The following GDA variants were observed in gnomAD, a reference collection of about 807,000 sequenced individuals.
GDA encodes the protein guanine deaminase.
In GDA, 18 loss-of-function variants were observed where a neutral mutation model predicts 59.6. That is an observed-to-expected ratio of 0.30 (90% CI 0.21 to 0.45). GDA has a LOEUF of 0.45. Among genes scored for constraint, GDA ranks in the 20% least tolerant of loss-of-function variants. GDA has a pLI of 1.00. For synonymous variants in GDA, 201 were observed against 201.1 expected (o/e 1.00, Z 0.00); for missense variants, 427 against 552.3 (o/e 0.77, Z 2.27).
chr9:72,195,892 C>T (rs1005026845), intron 2 of GDA, among the ~76,000 whole-genome samples: 5 of 152,066 alleles, frequency 3.3e-5, no homozygotes, highest in Admixed American at 6.6e-5. Context: ...CTTGTCCTCA[C>T]AGGGTTTACA....
At chr9:72,200,197 C>A (rs1248461831) in intron 2 of GDA, among the ~76,000 whole-genome samples, 1 of 151,862 alleles carries the variant, frequency 6.6e-6, no homozygotes, top group African/African-American at 2.4e-5. Flanking sequence ...GGGGTTTCAC[C>A]GTGTTAGCCA....
chr9:72,187,158 A>T (rs1831958116), intron 1 of GDA, among the ~76,000 whole-genome samples: 1 of 152,176 alleles, frequency 6.6e-6, no homozygotes, highest in African/African-American at 2.4e-5. Context: ...TTCTTTCCTA[A>T]AGAGATAAGC....
chr9:72,119,395 G>C (rs1825582051), intron 1 of GDA, among the ~76,000 whole-genome samples: 1 of 152,128 alleles, frequency 6.6e-6, no homozygotes, highest in African/African-American at 2.4e-5. Context: ...GTCCTAGCTA[G>C]TCAGGAGTCT....
chr9:72,161,290 T>C (rs536993371), intron 1 of GDA, among the ~76,000 whole-genome samples: 46 of 152,312 alleles, frequency 3.0e-4, no homozygotes, highest in African/African-American at 1.1e-3. Flanking sequence ...TGAAGGCAGG[T>C]TCACAACTTT....
At chr9:72,190,635 A>C (rs999452651) in intron 1 of GDA, among the ~76,000 whole-genome samples, 4 of 152,180 alleles carry the variant, frequency 2.6e-5, no homozygotes, top group Non-Finnish European at 4.4e-5. Flanking sequence ...CCCCTGCATT[A>C]TTCAAGGGGC....
intron 2 of GDA, among the ~76,000 whole-genome samples, chr9:72,200,090 C>G (rs1007308210): frequency 6.6e-6 from 1 of 151,380 alleles, no homozygotes; most frequent in African/African-American, 2.4e-5. Flanking sequence ...CTCCGCCTCC[C>G]GTGTTCACGC....
At chr9:72,124,334 C>A (rs11143121) in intron 1 of GDA, among the ~76,000 whole-genome samples, 1 of 152,136 alleles carries the variant, frequency 6.6e-6, no homozygotes, top group South Asian at 2.1e-4. Context: ...AAATTGCAAA[C>A]GCCTCAGTAT....
At chr9:72,239,551 A>G (rs1839382708) in intron 10 of GDA, among the ~76,000 whole-genome samples, 2 of 152,244 alleles carry the variant, frequency 1.3e-5, no homozygotes, top group African/African-American at 4.8e-5. Flanking sequence ...ATTATAAAAT[A>G]TAGTTAGTCT....
chr9:72,214,108 T>C, intron 5 of GDA, 117 bp downstream of exon 5: 3 of 626,436 alleles, frequency 4.8e-6, no homozygotes, highest in African/African-American at 1.9e-5. Flanking sequence ...GATGTGCACA[T>C]AGTGACTCAG....
intron 3 of GDA, among the ~76,000 whole-genome samples, chr9:72,204,048 C>T (rs905442891): frequency 6.6e-6 from 1 of 152,110 alleles, no homozygotes; most frequent in African/African-American, 2.4e-5. Flanking sequence ...AACTCCTGAC[C>T]TCATGATCCA....
intron 10 of GDA, among the ~76,000 whole-genome samples, chr9:72,236,622 C>G (rs11143188): frequency 0.26 from 39,065 of 152,052 alleles, 5,620 homozygotes; most frequent in East Asian, 0.53. Context: ...GACGTGTGTT[C>G]TGTATTCTTT....
At chr9:72,118,777 C>T (rs1219994207) in intron 1 of GDA, among the ~76,000 whole-genome samples, 1 of 152,148 alleles carries the variant, frequency 6.6e-6, no homozygotes, top group East Asian at 1.9e-4. Flanking sequence ...AATAGGCACG[C>T]TCATATACTG....
Position 72,250,253 on chromosome 9 carries a change from G to C in GDA, c.*1911G>C. ...ATGAGATGTGTAAGATTCACTTACA[G>C]GCAGTAGCTGCTTCTAGCATTTGCA... On this transcript the variant is annotated 3_prime_UTR_variant, in exon 14 of 14. Coordinates refer to ENST00000358399, the MANE Select transcript of GDA (RefSeq NM_004293.5). The C allele has an allele frequency of 1.0e-6, 1 of 993,848 alleles. No homozygotes were observed. Among genetic ancestry groups the C allele is most frequent in the Non-Finnish European group, 1.2e-6 (1 of 835,574 alleles). 61.6% of individuals were successfully genotyped at this position (993,848 alleles called of 1,614,324 possible).
At chr9:72,214,079 A>G (rs534557615) in intron 5 of GDA, 88 bp downstream of exon 5, 1 of 762,230 alleles carries the variant, frequency 1.3e-6, no homozygotes, top group Admixed American at 2.1e-5. Context: ...GAAACAGGAT[A>G]CTGTTATCAC....
intron 1 of GDA, among the ~76,000 whole-genome samples, chr9:72,116,386 C>CT (rs201791483): frequency 0.043 from 5,569 of 128,266 alleles, 525 homozygotes; most frequent in African/African-American, 0.15. Flanking sequence ...TTTCCCCAGC[C>CT]TTTTTTTTTT....
intron 1 of GDA, among the ~76,000 whole-genome samples, chr9:72,124,928 G>T (rs534090993): frequency 1.3e-5 from 2 of 152,196 alleles, no homozygotes; most frequent in East Asian, 3.9e-4. Context: ...GTCTTATTTG[G>T]AAACCACTGG....
At chr9:72,219,350 C>T (rs1041428125) in intron 5 of GDA, 129 bp from the exon 6 acceptor site, 8 of 621,618 alleles carry the variant, frequency 1.3e-5, no homozygotes, top group Non-Finnish European at 2.2e-5. Flanking sequence ...TTGCAGTGAG[C>T]CGAGATCGCA....
chr9:72,228,248 A>G (rs1837857118), intron 9 of GDA: 1 of 510,930 alleles, frequency 2.0e-6, no homozygotes, highest in South Asian at 2.4e-5. Flanking sequence ...CGTGAAGAGC[A>G]CAGCATCTTC....
At position 72,169,193 on chromosome 9, in the gene GDA, T is replaced by C. The variant is rs138637296; in HGVS notation, c.123+19511T>C. Among the ~76,000 whole-genome samples the C allele has an allele frequency of 5.3e-5, 8 of 152,272 alleles. 1 individual carries two copies. The highest frequency in any genetic ancestry group is 1.2e-4 in the African/African-American group (5 of 41,546). On this transcript the variant is annotated intron_variant, in intron 1 of 13. Coordinates refer to ENST00000358399, the MANE Select transcript of GDA (RefSeq NM_004293.5). ...GCTTTAGAAGCAGGTGAAATAGATA[T>C]TGGTTTTGGGAAGTGGGGGAAAGCT...
Sources: allele counts gnomAD v4.1 joint callset (sites outside exome capture counted in the v4.1 genomes callset), GRCh38; gene constraint gnomAD v4.1.1; transcripts MANE v1.5; gene names NCBI Gene and HGNC (gene_info 2026-07-23, HGNC 2026-07-21).